Variants in CSMD2 observed in about 807,000 individuals in gnomAD.
CSMD2 encodes the protein CUB and sushi domain-containing protein 2.
Under a neutral mutation model 398.5 loss-of-function variants are expected in CSMD2, and 130 were observed. The observed-to-expected ratio is 0.33, with a 90% confidence interval of 0.28 to 0.38. The LOEUF is 0.38. Among genes scored for constraint, CSMD2 ranks in the 10% least tolerant of loss-of-function variants. CSMD2 has a pLI of 1.00. For missense variants in CSMD2, 3,829 were observed against 4,764.9 expected, an observed-to-expected ratio of 0.80 and a Z score of 5.78; for synonymous variants, 1,828 against 1,908.5, an observed-to-expected ratio of 0.96 and a Z score of 1.10.
chr1:33,648,376 A>G (rs1643575150), intron 28 of CSMD2, among the ~76,000 whole-genome samples: 1 of 151,940 alleles, frequency 6.6e-6, no homozygotes, highest in Non-Finnish European at 1.5e-5. Flanking sequence ...AAAAAAAAAA[A>G]AAAGCAGAGC....
rs780139051 is a variant in CSMD2 at position 33,600,867 on chromosome 1, G to A, written c.6854C>T (p.Ser2285Phe). The A allele has an allele frequency of 2.5e-6, 4 of 1,614,014 alleles. No homozygotes were observed. Among genetic ancestry groups the A allele is most frequent in the Admixed American group, 3.3e-5 (2 of 60,002 alleles). ...ATGGIFAIAFSAYPLTKCPPP... is the reference protein window; with the variant it reads ...ATGGIFAIAFFAYPLTKCPPP... ...CCAGGCCAGGCTTCCATACTGACCG[G>A]AGAAAGCTATGGCGAAGATCCCCCC... The change falls in exon 44 of 71, where the codon TCC becomes TTC. Residue 2285 changes from serine (S) to phenylalanine (F), a missense_variant and splice_region_variant. This residue lies in a region of CSMD2 where 723 missense variants were observed against 758.6 expected (regional missense o/e 0.95). Transcript: ENST00000373381.
chr1:34,085,611 A>G (rs1463781666), intron 2 of CSMD2, among the ~76,000 whole-genome samples: 1 of 152,198 alleles, frequency 6.6e-6, no homozygotes, highest in Non-Finnish European at 1.5e-5. Flanking sequence ...TGGTGAGAGG[A>G]GACAGAAGAT....
At chr1:33,617,041 G>A (rs994748642) in intron 38 of CSMD2, 66 bp from the exon 39 acceptor site, 7 of 1,266,924 alleles carry the variant, frequency 5.5e-6, no homozygotes, top group Middle Eastern at 3.7e-4. Context: ...TACAACCAGG[G>A]GCTGTACAGG....
rs1645064219 is a variant in CSMD2 at position 33,686,427 on chromosome 1, C to T, written c.4052+6503G>A. On this transcript the variant is annotated intron_variant, in intron 25 of 70. Transcript: ENST00000373381. ...CCTGGATGGAGTGCATTGGCTCATC[C>T]ACCCCATTCTTGGCACTTAGGAAGA... 2.6e-5 allele frequency among the ~76,000 whole-genome samples: 4 copies of T among 152,320 alleles called. No individual in the cohort carries two copies. The South Asian group carries it at 8.3e-4, about 32-fold the overall frequency.
chr1:33,695,202 C>T (rs903021701), intron 24 of CSMD2, among the ~76,000 whole-genome samples: 2 of 151,890 alleles, frequency 1.3e-5, no homozygotes, highest in Admixed American at 6.6e-5. Context: ...AGGCTGGAGG[C>T]TGGGGTATGA....
At chr1:33,910,631 C>T (rs1053836955) in intron 5 of CSMD2, among the ~76,000 whole-genome samples, 1 of 152,130 alleles carries the variant, frequency 6.6e-6, no homozygotes, top group African/African-American at 2.4e-5. Context: ...GCTGGTCCAC[C>T]AAGGTTTATC....
intron 3 of CSMD2, among the ~76,000 whole-genome samples, chr1:33,969,924 C>T (rs1645694876): frequency 6.6e-6 from 1 of 151,890 alleles, no homozygotes; most frequent in African/African-American, 2.4e-5. Context: ...TCAGCCTCAA[C>T]ATGGAGAAAC....
chr1:34,014,028 TC>T (rs1195458323), intron 3 of CSMD2, among the ~76,000 whole-genome samples: 2 of 152,034 alleles, frequency 1.3e-5, no homozygotes, highest in East Asian at 1.9e-4. Flanking sequence ...TGCCCGTTGA[TC>T]CCCCCAAACC....
Position 33,739,252 on chromosome 1 carries a change from G to A in CSMD2, c.2256C>T (p.Ser752=), listed in dbSNP as rs761700626. ...AGCCTTCATCACAGAGGAAGGAGAT[G>A]GAGCTGCCCAGCTGGAGGCTGTCCC... ...RFGDSLQLGS[S]ISFLCDEGFL... Residue 752 remains serine, a synonymous_variant, in exon 15 of 71, where the codon TCC becomes TCT. Coordinates refer to ENST00000373381, the MANE Select transcript of CSMD2 (RefSeq NM_001281956.2). The A allele has an allele frequency of 2.0e-5, 33 of 1,614,092 alleles. No homozygotes were observed. In the South Asian group the frequency reaches 3.1e-4, roughly 15 times the overall value.
intron 13 of CSMD2, among the ~76,000 whole-genome samples, chr1:33,750,723 A>G (rs1648109182): frequency 6.6e-6 from 1 of 152,224 alleles, no homozygotes; most frequent in South Asian, 2.1e-4. Context: ...ATTAGCAGAG[A>G]GAGGGTTGAT....
intron 10 of CSMD2, among the ~76,000 whole-genome samples, chr1:33,792,956 T>C (rs1049176557): frequency 6.6e-6 from 1 of 152,160 alleles, no homozygotes; most frequent in Non-Finnish European, 1.5e-5. Flanking sequence ...ACTGCTTTTC[T>C]CCATCCTTTT....
At chr1:33,576,673 A>G (rs907514156) in intron 49 of CSMD2, among the ~76,000 whole-genome samples, 1 of 152,168 alleles carries the variant, frequency 6.6e-6, no homozygotes, top group Non-Finnish European at 1.5e-5. Flanking sequence ...AATCTATAAG[A>G]GCTTTGTACA....
intron 4 of CSMD2, among the ~76,000 whole-genome samples, chr1:33,926,284 G>A (rs935444025): frequency 6.6e-6 from 1 of 152,192 alleles, no homozygotes; most frequent in Admixed American, 6.5e-5. Flanking sequence ...GAGTGGCTGA[G>A]TCAAGATTTC....
At chr1:34,079,243 T>C (rs1571031385) in intron 2 of CSMD2, among the ~76,000 whole-genome samples, 1 of 152,172 alleles carries the variant, frequency 6.6e-6, no homozygotes, top group African/African-American at 2.4e-5. Flanking sequence ...TTCAATATTA[T>C]ACTGGAGGTT....
rs1332640281 is a variant in CSMD2 at position 33,518,928 on chromosome 1, ATG to A, written c.*53+535_*53+536del. ...ATGGATATATCTTGATATGGGGTAT[ATG>A]TATTGCGTTTATAGTGTATGAATGT... On this transcript the variant is annotated intron_variant, in intron 70 of 70. Transcript: ENST00000373381. The surrounding 1 kb of genome is among the most constrained non-coding windows in gnomAD (Gnocchi z 4.3). 6.6e-6 allele frequency among the ~76,000 whole-genome samples: 1 copy of A among 152,152 alleles called. No homozygotes were observed. The highest frequency in any genetic ancestry group is 1.5e-5 in the Non-Finnish European group (1 of 68,026).
chr1:33,725,560 C>T, intron 16 of CSMD2, 24 bp from the exon 17 acceptor site: 2 of 1,610,668 alleles, frequency 1.2e-6, no homozygotes, highest in South Asian at 1.1e-5. Flanking sequence ...GAAATGAAGC[C>T]TTCTTGAGAA....
chr1:34,138,258 G>T (rs561095678), intron 1 of CSMD2, among the ~76,000 whole-genome samples: 1 of 152,186 alleles, frequency 6.6e-6, no homozygotes, highest in Non-Finnish European at 1.5e-5. Flanking sequence ...CATGTACATT[G>T]TACTTTGGAA....
intron 15 of CSMD2, among the ~76,000 whole-genome samples, chr1:33,738,554 T>A (rs1227560968): frequency 2.6e-5 from 4 of 152,132 alleles, no homozygotes; most frequent in Admixed American, 6.5e-5. Context: ...AACTGTCTTG[T>A]GTGGCGAGGC....
At chr1:34,026,584 A>C (rs1649676537) in intron 3 of CSMD2, among the ~76,000 whole-genome samples, 1 of 152,232 alleles carries the variant, frequency 6.6e-6, no homozygotes, top group Admixed American at 6.5e-5. Flanking sequence ...CATGCTGCTA[A>C]AATGCAGAGG....
Sources: allele counts gnomAD v4.1 joint callset (sites outside exome capture counted in the v4.1 genomes callset), GRCh38; gene constraint gnomAD v4.1.1; regional missense constraint gnomAD v4.1.1; non-coding constraint Gnocchi (gnomAD v3.1); transcripts MANE v1.5; gene names NCBI Gene and HGNC (gene_info 2026-07-23, HGNC 2026-07-21).